The following ATXN1 variants were observed in gnomAD, a reference collection of about 807,000 sequenced individuals.
The protein encoded by ATXN1 is ataxin-1.
ATXN1 carries 8 observed loss-of-function variants against 56.4 expected under a neutral mutation model. That is an observed-to-expected ratio of 0.14 (90% CI 0.08 to 0.26). ATXN1 has a LOEUF of 0.26. ATXN1 is among the 10% of genes least tolerant of loss of function. ATXN1 has a pLI of 1.00. For synonymous variants in ATXN1, 514 were observed against 494.6 expected (o/e 1.04, Z -0.52); for missense variants, 987 against 1,106.5 (o/e 0.89, Z 1.53).
intron 6 of ATXN1, among the ~76,000 whole-genome samples, chr6:16,478,738 T>C (rs539560146): frequency 6.6e-6 from 1 of 152,252 alleles, no homozygotes; most frequent in South Asian, 2.1e-4. Flanking sequence ...TTTTTTTCAA[T>C]TCTATGCAAG....
At chr6:16,733,843 A>G (rs1760049879) in intron 2 of ATXN1, among the ~76,000 whole-genome samples, 1 of 151,528 alleles carries the variant, frequency 6.6e-6, no homozygotes, top group Non-Finnish European at 1.5e-5. Flanking sequence ...GCAAAACTCC[A>G]TCTCAAATGA....
chr6:16,489,854 G>T (rs2282835), intron 5 of ATXN1, among the ~76,000 whole-genome samples: 11,771 of 152,150 alleles, frequency 0.077, 805 homozygotes, highest in East Asian at 0.22. Flanking sequence ...TGGCTAGAGG[G>T]TCTTGTTAAA....
rs139581623 is a variant in ATXN1, at chr6:16,592,123, T to C, written c.-488-6216A>G. ...CTCCCCACCACCAGCCTGTCACTCA[T>C]TATTCTGCTCAGCTGTTTCAGAATA... On this transcript the variant is annotated intron_variant, in intron 3 of 7. Transcript: ENST00000436367. Among the ~76,000 whole-genome samples, 6 of 152,190 alleles carry C rather than the reference T, an allele frequency of 3.9e-5. No homozygotes were observed. The East Asian group carries it at 1.2e-3, about 29-fold the overall frequency.
chr6:16,590,171 G>A (rs1398399638), intron 3 of ATXN1, among the ~76,000 whole-genome samples: 1 of 152,068 alleles, frequency 6.6e-6, no homozygotes, highest in African/African-American at 2.4e-5. Context: ...AAATACTAAG[G>A]ATTTGACTAA....
chr6:16,751,438 T>C (rs756192927), intron 2 of ATXN1, among the ~76,000 whole-genome samples: 13 of 152,242 alleles, frequency 8.5e-5, no homozygotes, highest in Non-Finnish European at 1.5e-4. Context: ...TGATGACTCT[T>C]CCCTCCTCCA....
intron 2 of ATXN1, among the ~76,000 whole-genome samples, chr6:16,706,217 T>A (rs755122449): frequency 8.5e-5 from 13 of 152,244 alleles, no homozygotes; most frequent in South Asian, 4.1e-4. Flanking sequence ...CTGACTCAGG[T>A]ATGAAACATA....
intron 2 of ATXN1, among the ~76,000 whole-genome samples, chr6:16,668,014 T>C (rs777585237): frequency 2.6e-5 from 4 of 152,162 alleles, no homozygotes; most frequent in Non-Finnish European, 5.9e-5. Context: ...TGTTGCCTCA[T>C]TTGTGTGAGT....
chr6:16,471,548 T>G (rs1016563012), intron 6 of ATXN1, among the ~76,000 whole-genome samples: 6 of 152,188 alleles, frequency 3.9e-5, no homozygotes, highest in African/African-American at 1.4e-4. Flanking sequence ...AGTCATGACC[T>G]TATGCCTATA....
intron 3 of ATXN1, among the ~76,000 whole-genome samples, chr6:16,621,199 T>C (rs1763313442): frequency 6.6e-6 from 1 of 152,186 alleles, no homozygotes; most frequent in Admixed American, 6.5e-5. Context: ...ATTTAGGAGA[T>C]AACGCAGCTC....
At chr6:16,440,648 A>AAAAAAAAAAAGAAAG (rs748929817) in intron 6 of ATXN1, among the ~76,000 whole-genome samples, 2 of 118,548 alleles carry the variant, frequency 1.7e-5, no homozygotes, top group Non-Finnish European at 3.3e-5. Context: ...CTTAAAAAAA[A>AAAAAAAAAAAGAAAG]AAAAGAAAAG....
chr6:16,673,229 G>A (rs1758585188), intron 2 of ATXN1, among the ~76,000 whole-genome samples: 1 of 152,110 alleles, frequency 6.6e-6, no homozygotes, highest in Non-Finnish European at 1.5e-5. Context: ...CAGCAGCAAT[G>A]AAAAACTAAC....
intron 6 of ATXN1, among the ~76,000 whole-genome samples, chr6:16,346,767 G>T (rs1581704302): frequency 6.6e-6 from 1 of 152,170 alleles, no homozygotes; most frequent in African/African-American, 2.4e-5. Flanking sequence ...CTCTGCCTGG[G>T]CTCCCACTTT....
chr6:16,620,488 C>T (rs1763300386), intron 3 of ATXN1, among the ~76,000 whole-genome samples: 3 of 152,120 alleles, frequency 2.0e-5, no homozygotes, highest in Non-Finnish European at 4.4e-5. Context: ...CTCTCACACA[C>T]ACATACACAC....
chr6:16,600,564 C>T (rs1038229806), intron 3 of ATXN1, among the ~76,000 whole-genome samples: 7 of 152,126 alleles, frequency 4.6e-5, no homozygotes, highest in Non-Finnish European at 7.4e-5. Flanking sequence ...AAAACTCCAA[C>T]AAAGGAAAGG....
At chr6:16,368,343 C>CTTT (rs10527935) in intron 6 of ATXN1, among the ~76,000 whole-genome samples, 286 of 75,772 alleles carry the variant, frequency 3.8e-3, no homozygotes, top group Middle Eastern at 0.01. Context: ...ACTTCTTCTT[C>CTTT]TTTTTTTTTT....
intron 3 of ATXN1, among the ~76,000 whole-genome samples, chr6:16,653,762 A>G (rs1007265666): frequency 6.6e-6 from 1 of 152,246 alleles, no homozygotes. Flanking sequence ...AGGTTCAGAG[A>G]ATATGCTGAC....
chr6:16,428,410 T>G (rs2237201), intron 6 of ATXN1, among the ~76,000 whole-genome samples: 8 of 151,610 alleles, frequency 5.3e-5, no homozygotes, highest in Admixed American at 5.2e-4. Flanking sequence ...TGAGCCACCA[T>G]GCTCAGCTGA....
rs1053255104 is a variant in ATXN1 at position 16,300,260 on chromosome 6, A to G, written c.*6069T>C. On this transcript the variant is annotated 3_prime_UTR_variant, in exon 8 of 8. Coordinates refer to ENST00000436367, the MANE Select transcript of ATXN1 (RefSeq NM_001128164.2). Reference sequence around the variant, plus strand: ...ATGGAAATTCTTAGAGATTGTTGTTATTGTATAGATACTACCTATTGGCCA... The same window carrying G: ...ATGGAAATTCTTAGAGATTGTTGTTGTTGTATAGATACTACCTATTGGCCA... 2.0e-5 allele frequency: 3 copies of G among 152,608 alleles called. No homozygotes were observed. The highest frequency in any genetic ancestry group is 4.4e-5 in the Non-Finnish European group (3 of 68,036). 9.5% of individuals were successfully genotyped at this position (152,608 alleles called of 1,614,324 possible). A position where few individuals can be genotyped will look rare whatever the true frequency, so the allele number is the denominator to read the frequency against.
rs537102584 is a variant in ATXN1 at position 16,326,435 on chromosome 6, C to T, written c.1876G>A (p.Val626Met). 2.3e-5 allele frequency: 37 copies of T among 1,614,062 alleles called. No individual in the cohort carries two copies. In the East Asian group the frequency reaches 3.3e-4, roughly 15 times the overall value. The change falls in exon 7 of 8, where the codon GTG (valine) becomes ATG (methionine). Residue 626 changes from valine to methionine, a missense_variant. By Grantham distance (21) the Val-to-Met change is conservative. This residue lies in a region of ATXN1 where 68 missense variants were observed against 118.1 expected (regional missense o/e 0.58). Transcript: ENST00000436367. This position sits in a 1 kb window ranked among gnomAD's most constrained non-coding sequence, Gnocchi z 6.6. Reference sequence around the variant, plus strand: ...CCGACGGCGAACTGTATCACGGCCACGCCCGGGCTATGGCTGTCTTCAATC... The same window carrying T: ...CCGACGGCGAACTGTATCACGGCCATGCCCGGGCTATGGCTGTCTTCAATC... ...ERIEDSHSPG[V>M]AVIQFAVGEH...
Sources: allele counts gnomAD v4.1 joint callset (sites outside exome capture counted in the v4.1 genomes callset), GRCh38; gene constraint gnomAD v4.1.1; regional missense constraint gnomAD v4.1.1; non-coding constraint Gnocchi (gnomAD v3.1); transcripts MANE v1.5; gene names NCBI Gene and HGNC (gene_info 2026-07-23, HGNC 2026-07-21).